ASH1L: variants seen among roughly 807,000 people sequenced by gnomAD.
ASH1L encodes ASH1 like histone lysine methyltransferase.
Under a neutral mutation model 269.0 loss-of-function variants are expected in ASH1L, and 23 were observed. The observed-to-expected ratio is 0.09, with a 90% CI of 0.06 to 0.12. The LOEUF (loss-of-function observed/expected upper bound fraction) is 0.12. ASH1L is among the 10% of genes least tolerant of loss of function. ASH1L has a pLI of 1.00. For synonymous variants in ASH1L, 1,187 were observed against 1,253.5 expected, an observed-to-expected ratio of 0.95 and a Z score of 1.12; for missense variants, 2,912 against 3,567.8, an observed-to-expected ratio of 0.82 and a Z score of 4.68.
chr1:155,417,197 A>G (rs964914715), intron 5 of ASH1L, among the ~76,000 whole-genome samples: 31 of 151,652 alleles, frequency 2.0e-4, no homozygotes, highest in African/African-American at 6.5e-4. Flanking sequence ...AGCTTCCCAA[A>G]GGGTTGGGAT....
At chr1:155,509,669 T>A (rs1347713066) in intron 2 of ASH1L, among the ~76,000 whole-genome samples, 1 of 151,976 alleles carries the variant, frequency 6.6e-6, no homozygotes, top group East Asian at 1.9e-4. Context: ...CATGATGGTG[T>A]GTGTCTCTAA....
chr1:155,415,122 G>A (rs1432510481), intron 6 of ASH1L, among the ~76,000 whole-genome samples: 2 of 152,038 alleles, frequency 1.3e-5, no homozygotes, highest in East Asian at 1.9e-4. Context: ...GGTGGTTCAC[G>A]CCTGTAATCC....
chr1:155,423,324 T>C (rs1660868185), intron 5 of ASH1L, among the ~76,000 whole-genome samples: 1 of 151,022 alleles, frequency 6.6e-6, no homozygotes, highest in Admixed American at 6.6e-5. Context: ...CTCACACCTG[T>C]AATCCCAGCA....
chr1:155,436,240 A>G (rs1446930176), intron 5 of ASH1L, among the ~76,000 whole-genome samples: 1 of 151,692 alleles, frequency 6.6e-6, no homozygotes, highest in Non-Finnish European at 1.5e-5. Context: ...CCCAGGCTGG[A>G]GTGTGATGGT....
chr1:155,487,215 G>C (rs937959973), intron 2 of ASH1L, among the ~76,000 whole-genome samples: 2 of 151,870 alleles, frequency 1.3e-5, no homozygotes, highest in Non-Finnish European at 1.5e-5. Context: ...TGAATTAATG[G>C]AGCCAGAAAA....
chr1:155,549,242 C>T (rs1341863600), intron 1 of ASH1L, among the ~76,000 whole-genome samples: 1 of 152,090 alleles, frequency 6.6e-6, no homozygotes, highest in Admixed American at 6.6e-5. Flanking sequence ...ACGCAGGAAG[C>T]TGAGGTAGGA....
intron 5 of ASH1L, among the ~76,000 whole-genome samples, chr1:155,434,987 G>A (rs760077591): frequency 6.6e-6 from 1 of 152,100 alleles, no homozygotes; most frequent in Non-Finnish European, 1.5e-5. Context: ...GGGAAACCCC[G>A]TCTCTACTAA....
chr1:155,361,690 C>T (rs905183366), intron 12 of ASH1L, among the ~76,000 whole-genome samples: 1 of 151,202 alleles, frequency 6.6e-6, no homozygotes, highest in Non-Finnish European at 1.5e-5. Context: ...GGCAACAGGA[C>T]GAGACTCCAT....
rs201928240 is a variant in ASH1L at position 155,463,629 on chromosome 1, C to CA, written c.4985-3732dup. On this transcript the variant is annotated intron_variant, in intron 3 of 27. Coordinates refer to ENST00000392403, the MANE Select transcript of ASH1L (RefSeq NM_018489.3). ...ACAATATGGCGAAACTCAGTCTCTA[C>CA]AAAAAAAAATAAAAATTAGCTGGGC... Among the ~76,000 whole-genome samples, 840 of 149,836 alleles carry CA rather than the reference C, an allele frequency of 5.6e-3. 1 individual carries two copies. The highest frequency in any genetic ancestry group is 0.041 in the Middle Eastern group (12 of 292).
chr1:155,469,878 C>T (rs889566137), intron 3 of ASH1L, among the ~76,000 whole-genome samples: 1 of 152,176 alleles, frequency 6.6e-6, no homozygotes, highest in Non-Finnish European at 1.5e-5. Flanking sequence ...ACTTCTCATA[C>T]CTTATAAAGT....
intron 1 of ASH1L, among the ~76,000 whole-genome samples, chr1:155,536,576 CTATG>C (rs987841663): frequency 2.0e-5 from 3 of 152,076 alleles, no homozygotes; most frequent in African/African-American, 7.2e-5. Context: ...TATGAATACG[CTATG>C]TCTGTCAAAA....
At chr1:155,559,281 G>A (rs550385331) in intron 1 of ASH1L, among the ~76,000 whole-genome samples, 5 of 152,254 alleles carry the variant, frequency 3.3e-5, no homozygotes, top group South Asian at 2.1e-4. Context: ...GCTCACCCCT[G>A]TAATCTCAGC....
chr1:155,363,226 G>A (rs1349866278), intron 12 of ASH1L, among the ~76,000 whole-genome samples: 3 of 151,902 alleles, frequency 2.0e-5, no homozygotes, highest in East Asian at 1.9e-4. Flanking sequence ...CTCGTGATCC[G>A]CCTGCCTTGG....
chr1:155,339,917 G>A (rs1652629860), intron 25 of ASH1L, among the ~76,000 whole-genome samples: 1 of 152,072 alleles, frequency 6.6e-6, no homozygotes, highest in African/African-American at 2.4e-5. Context: ...TAGATGATAG[G>A]AAGGAATTCT....
chr1:155,458,334 A>T (rs1437918739), intron 4 of ASH1L, among the ~76,000 whole-genome samples: 1 of 152,216 alleles, frequency 6.6e-6, no homozygotes, highest in East Asian at 1.9e-4. Flanking sequence ...AGATAATGTC[A>T]CTTCCTTGTT....
intron 25 of ASH1L, among the ~76,000 whole-genome samples, chr1:155,341,606 T>G (rs1177227886): frequency 1.3e-5 from 2 of 151,446 alleles, no homozygotes; most frequent in Non-Finnish European, 2.9e-5. Context: ...AAAAAAGGAG[T>G]TTTTCAGGGT....
intron 1 of ASH1L, among the ~76,000 whole-genome samples, chr1:155,560,409 AG>A (rs1671881914): frequency 6.6e-6 from 1 of 152,212 alleles, no homozygotes; most frequent in African/African-American, 2.4e-5. Context: ...ATATTCATAG[AG>A]GGGATTCTTA....
At chr1:155,373,672 G>C (rs1656180717) in intron 10 of ASH1L, among the ~76,000 whole-genome samples, 1 of 151,552 alleles carries the variant, frequency 6.6e-6, no homozygotes, top group African/African-American at 2.4e-5. Flanking sequence ...ATTATTTTTT[G>C]GTTTGTTTTT....
At chr1:155,337,830 C>A (rs1209256440) in intron 27 of ASH1L, 79 bp from the exon 28 acceptor site, 12 of 1,354,454 alleles carry the variant, frequency 8.9e-6, no homozygotes, top group Non-Finnish European at 1.3e-5. Context: ...AAGGAGAGCA[C>A]ACGAACTCAA....
Sources: gnomAD v4.1 joint callset for allele counts (sites outside exome capture counted in the v4.1 genomes callset) on GRCh38, gnomAD v4.1.1 for gene constraint, MANE v1.5 for transcripts, NCBI Gene and HGNC (gene_info 2026-07-23, HGNC 2026-07-21) for gene names.